PARD3B: variants seen among roughly 807,000 people sequenced by gnomAD.
PARD3B encodes the protein partitioning defective 3 homolog B.
A neutral mutation model predicts 130.2 loss-of-function variants in PARD3B; 103 were observed. The ratio of observed to expected loss-of-function variants is 0.79; its 90% confidence interval spans 0.67 to 0.93. The LOEUF (loss-of-function observed/expected upper bound fraction) is 0.93, where lower values mean the gene tolerates loss of function less well. Among genes scored for constraint, PARD3B ranks in the 40% least tolerant of loss-of-function variants. The probability of loss-of-function intolerance (pLI) is 0.00; values close to 1 mark genes in which losing one functional copy is unlikely to be tolerated. For synonymous variants in PARD3B, 583 were observed against 553.2 expected (o/e 1.05, Z -0.76); for missense variants, 1,609 against 1,499.2 (o/e 1.07, Z -1.21).
chr2:204,651,537 C>G (rs555594891), intron 1 of PARD3B, among the ~76,000 whole-genome samples: 2 of 152,378 alleles, frequency 1.3e-5, no homozygotes, highest in Admixed American at 6.5e-5. Context: ...CCTTTTGCTG[C>G]TTTCATGGGC....
At position 205,150,252 on chromosome 2, in the gene PARD3B, T is replaced by TGTGTGTGCGCGC. The variant is rs375301293; in HGVS notation, c.1435-8469_1435-8468insTGTGTGCGCGCG. On this transcript the variant is annotated intron_variant, in intron 10 of 22. Coordinates refer to ENST00000406610, the MANE Select transcript of PARD3B (RefSeq NM_001302769.2). ...GTGTGTGTGTGTGTGTGTGTGTGTG[T>TGTGTGTGCGCGC]GCACACACGCTTGAAATCTGTGAGT... 2.5e-3 allele frequency among the ~76,000 whole-genome samples: 358 copies of TGTGTGTGCGCGC among 145,880 alleles called. 5 individuals are homozygous for TGTGTGTGCGCGC. Among genetic ancestry groups the TGTGTGTGCGCGC allele is most frequent in the African/African-American group, 7.6e-3 (295 of 38,956 alleles).
intron 2 of PARD3B, among the ~76,000 whole-genome samples, chr2:204,788,763 T>C (rs1559145314): frequency 1.3e-5 from 2 of 152,164 alleles, no homozygotes; most frequent in Non-Finnish European, 1.5e-5. Flanking sequence ...AGACAAGATA[T>C]GTAAATTATG....
rs929211808 is a variant in PARD3B at position 205,142,745 on chromosome 2, G to C, written c.1435-15977G>C. Among the ~76,000 whole-genome samples the C allele has an allele frequency of 2.6e-5, 4 of 152,058 alleles. No homozygotes were observed. Among genetic ancestry groups the C allele is most frequent in the Non-Finnish European group, 5.9e-5 (4 of 68,012 alleles). ...ATACAAAAATTAGCCAGGCGTGGTG[G>C]TGCGTGCCTGTAATCCCAGCTACTC... On this transcript the variant is annotated intron_variant, in intron 10 of 22. Coordinates refer to ENST00000406610, the MANE Select transcript of PARD3B (RefSeq NM_001302769.2). The surrounding 1 kb of genome is among the most constrained non-coding windows in gnomAD (Gnocchi z 4.3).
At chr2:204,975,001 A>G (rs1692021128) in intron 3 of PARD3B, among the ~76,000 whole-genome samples, 1 of 152,304 alleles carries the variant, frequency 6.6e-6, no homozygotes, top group Admixed American at 6.5e-5. Flanking sequence ...TGAGTCTCTT[A>G]ACTTGGCTAG....
chr2:205,255,344 A>G (rs1029870222), intron 16 of PARD3B, among the ~76,000 whole-genome samples: 1 of 152,136 alleles, frequency 6.6e-6, no homozygotes. Flanking sequence ...TCACACATAC[A>G]ACACAGAATA....
chr2:204,855,534 C>G (rs2044893397), intron 2 of PARD3B, among the ~76,000 whole-genome samples: 1 of 142,478 alleles, frequency 7.0e-6, no homozygotes, highest in Admixed American at 6.9e-5. Context: ...GAGCAAGACT[C>G]CCTCTAAAAG....
intron 20 of PARD3B, among the ~76,000 whole-genome samples, chr2:205,442,357 G>C (rs1288331332): frequency 7.2e-6 from 1 of 139,604 alleles, no homozygotes; most frequent in Non-Finnish European, 1.5e-5. Flanking sequence ...GGAGTGCAGT[G>C]GTACGATCGC....
chr2:204,877,126 A>G (rs943198572), intron 2 of PARD3B, among the ~76,000 whole-genome samples: 2 of 152,194 alleles, frequency 1.3e-5, no homozygotes, highest in Non-Finnish European at 2.9e-5. Context: ...CATCATTCTC[A>G]GCAAACTGTC....
Position 205,125,646 on chromosome 2 carries a change from A to G in PARD3B, c.1343A>G (p.Glu448Gly). Residue 448 changes from glutamate (E) to glycine (G), a missense_variant, in exon 10 of 23, where the codon GAG becomes GGG. Glu to Gly is a moderately conservative substitution (Grantham distance 98). Transcript: ENST00000406610. This position sits in a 1 kb window ranked among gnomAD's most constrained non-coding sequence, Gnocchi z 4.0. ...GRDVTGRTQE[E>G]LVAMLRSTKQ... is the part of the protein sequence containing the mutation. ...GATGTCACCGGACGAACCCAGGAAG[A>G]GCTTGTGGCCATGCTCAGGAGCACC... 6.2e-7 allele frequency: 1 copy of G among 1,614,082 alleles called. No individual in the cohort carries two copies. Among genetic ancestry groups the G allele is most frequent in the South Asian group, 1.1e-5 (1 of 91,080 alleles).
chr2:205,338,431 A>G (rs143089908), intron 18 of PARD3B, among the ~76,000 whole-genome samples: 3 of 152,286 alleles, frequency 2.0e-5, no homozygotes, highest in Non-Finnish European at 4.4e-5. Context: ...GAATATTACC[A>G]TGGGAAAACA....
intron 20 of PARD3B, among the ~76,000 whole-genome samples, chr2:205,475,233 A>T (rs2048985607): frequency 6.6e-6 from 1 of 152,150 alleles, no homozygotes; most frequent in Admixed American, 6.6e-5. Context: ...TAGATTGTGA[A>T]AGAAATGTCA....
intron 16 of PARD3B, among the ~76,000 whole-genome samples, chr2:205,250,485 C>T (rs2039795511): frequency 6.6e-6 from 1 of 152,136 alleles, no homozygotes; most frequent in African/African-American, 2.4e-5. Flanking sequence ...TAATGGTTGG[C>T]AGCAAGTCCA....
In PARD3B at chr2:205,107,942, C is replaced by A. The variant is rs1703343190; in HGVS notation, c.593+3428C>A. Among the ~76,000 whole-genome samples, 3 of 152,310 alleles carry A rather than the reference C, an allele frequency of 2.0e-5. No homozygotes were observed. The South Asian group carries it at 6.2e-4, about 32-fold the overall frequency. On this transcript the variant is annotated intron_variant, in intron 5 of 22. Transcript: ENST00000406610. ...TTCACCTCATCCCTAATTCCTATCT[C>A]ATTTCTGACTCTGCCTTATCTCTCC...
chr2:204,582,203 TA>T (rs1000384859), intron 1 of PARD3B, among the ~76,000 whole-genome samples: 1 of 152,200 alleles, frequency 6.6e-6, no homozygotes, highest in African/African-American at 2.4e-5. Flanking sequence ...AGATAATTTC[TA>T]AGGTTTCTTC....
chr2:205,519,509 T>C (rs1026002815), intron 21 of PARD3B, among the ~76,000 whole-genome samples: 6 of 152,238 alleles, frequency 3.9e-5, no homozygotes, highest in Admixed American at 3.3e-4. Flanking sequence ...ATTCCTTGAA[T>C]TGGGTATTGC....
chr2:205,545,592 A>G (rs2052346745), intron 21 of PARD3B, among the ~76,000 whole-genome samples: 1 of 152,204 alleles, frequency 6.6e-6, no homozygotes, highest in African/African-American at 2.4e-5. Flanking sequence ...TGTTATATAT[A>G]GGTGAATAAG....
At chr2:205,063,393 ATTTG>A (rs1304861004) in intron 4 of PARD3B, among the ~76,000 whole-genome samples, 1 of 152,056 alleles carries the variant, frequency 6.6e-6, no homozygotes, top group African/African-American at 2.4e-5. Flanking sequence ...GGATTTCTAA[ATTTG>A]TTTGATAAAT....
chr2:205,483,025 T>C (rs1387216708), intron 20 of PARD3B, among the ~76,000 whole-genome samples: 1 of 152,130 alleles, frequency 6.6e-6, no homozygotes, highest in African/African-American at 2.4e-5. Context: ...ATACAAATAA[T>C]GATTACATGC....
At chr2:205,119,196 GT>G in intron 7 of PARD3B, 150 bp downstream of exon 7, 1 of 1,110,068 alleles carries the variant, frequency 9.0e-7, no homozygotes, top group Non-Finnish European at 1.2e-6. Context: ...TGCTTCTAAT[GT>G]TTTAGCCTAC....
Sources: allele counts gnomAD v4.1 joint callset (sites outside exome capture counted in the v4.1 genomes callset), GRCh38; gene constraint gnomAD v4.1.1; non-coding constraint Gnocchi (gnomAD v3.1); transcripts MANE v1.5; gene names NCBI Gene and HGNC (gene_info 2026-07-23, HGNC 2026-07-21).